CACHD1: variants seen among roughly 807,000 people sequenced by gnomAD.
The protein encoded by CACHD1 is VWFA and cache domain-containing protein 1.
CACHD1 carries 71 observed loss-of-function variants against 138.7 expected under a neutral mutation model. The ratio of observed to expected loss-of-function variants is 0.51; its 90% CI spans 0.42 to 0.62. CACHD1 has a LOEUF of 0.62. Among genes scored for constraint, CACHD1 ranks in the 20% least tolerant of loss-of-function variants. The pLI is 0.00. For missense variants in CACHD1, 1,389 were observed against 1,625.3 expected (o/e 0.85, Z 2.50); for synonymous variants, 578 against 591.5 (o/e 0.98, Z 0.33).
chr1:64,582,780 A>G (rs1360189748), intron 3 of CACHD1, among the ~76,000 whole-genome samples: 2 of 152,126 alleles, frequency 1.3e-5, no homozygotes, highest in Non-Finnish European at 2.9e-5. Context: ...TGCATGATTG[A>G]GGATATTTTT....
intron 3 of CACHD1, among the ~76,000 whole-genome samples, chr1:64,588,532 C>A (rs1647071145): frequency 6.6e-6 from 1 of 151,946 alleles, no homozygotes; most frequent in African/African-American, 2.4e-5. Flanking sequence ...AGGTGCGCCA[C>A]CACGCCCAGC....
chr1:64,592,804 G>A (rs184108330), intron 3 of CACHD1, among the ~76,000 whole-genome samples: 101 of 152,320 alleles, frequency 6.6e-4, no homozygotes, highest in Non-Finnish European at 1.1e-3. Context: ...TGCTTGTCAA[G>A]TTGGGCCAGT....
intron 9 of CACHD1, among the ~76,000 whole-genome samples, chr1:64,651,600 A>G (rs1649097581): frequency 6.6e-6 from 1 of 152,148 alleles, no homozygotes; most frequent in African/African-American, 2.4e-5. Context: ...GGCCACCATG[A>G]GCTATGATCG....
intron 3 of CACHD1, among the ~76,000 whole-genome samples, chr1:64,593,140 C>T (rs1647121343): frequency 6.6e-6 from 1 of 152,184 alleles, no homozygotes; most frequent in Non-Finnish European, 1.5e-5. Context: ...GAGATGTTTG[C>T]TAAGCAGCTG....
At chr1:64,487,258 C>CCTG (rs1646248079) in intron 1 of CACHD1, among the ~76,000 whole-genome samples, 1 of 152,116 alleles carries the variant, frequency 6.6e-6, no homozygotes, top group Non-Finnish European at 1.5e-5. Flanking sequence ...CTCTGTCACC[C>CCTG]CCTGGCTGTC....
intron 4 of CACHD1, among the ~76,000 whole-genome samples, chr1:64,625,630 A>G (rs77648567): frequency 1.3e-5 from 2 of 149,504 alleles, no homozygotes; most frequent in African/African-American, 4.9e-5. Context: ...CAGTCTCAGA[A>G]AAAAAAAAAA....
chr1:64,573,221 A>G (rs754289503), intron 2 of CACHD1, among the ~76,000 whole-genome samples: 14 of 152,118 alleles, frequency 9.2e-5, no homozygotes, highest in Non-Finnish European at 1.9e-4. Context: ...AGCCCCCATG[A>G]TGGAATTTAA....
At chr1:64,618,032 A>T (rs775440268) in intron 4 of CACHD1, among the ~76,000 whole-genome samples, 6 of 151,654 alleles carry the variant, frequency 4.0e-5, no homozygotes, top group Non-Finnish European at 8.8e-5. Context: ...GTGAGTCAAG[A>T]TCATGCCATT....
In CACHD1 at chr1:64,675,955, A is replaced by T. The variant is rs1247967037; in HGVS notation, c.2947A>T (p.Thr983Ser). The change falls in exon 21 of 27, where the codon ACT becomes TCT. Residue 983 changes from threonine to serine, a missense_variant. Physicochemically the swap from Thr to Ser is moderately conservative, Grantham distance 58 (BLOSUM62 1). Coordinates refer to ENST00000651257, the MANE Select transcript of CACHD1 (RefSeq NM_020925.4). ...GTGCCCTCTAGAGGTCAATGAGTGC[A>T]CTGGCAACCTCACCAATGCAGAGAA... The part of the protein sequence containing the change: ...CECPLEVNEC[T>S]GNLTNAENRN... 1 of 1,455,968 alleles carries T rather than the reference A, an allele frequency of 6.9e-7. No homozygotes were observed. The highest frequency in any genetic ancestry group is 9.2e-7 in the Non-Finnish European group (1 of 1,092,336). 90.2% of individuals were successfully genotyped at this position (1,455,968 alleles called of 1,614,324 possible). A position where few individuals can be genotyped will look rare whatever the true frequency, so the allele number is the denominator to read the frequency against.
chr1:64,669,758 G>A (rs551295755), intron 16 of CACHD1, among the ~76,000 whole-genome samples: 1 of 152,194 alleles, frequency 6.6e-6, no homozygotes, highest in South Asian at 2.1e-4. Context: ...TGAAATGCAG[G>A]TGAAAATATG....
At chr1:64,605,628 G>A (rs1332970598) in intron 4 of CACHD1, among the ~76,000 whole-genome samples, 1 of 152,152 alleles carries the variant, frequency 6.6e-6, no homozygotes, top group Admixed American at 6.5e-5. Context: ...GAAAGGGCAG[G>A]CTTGGGCAGA....
intron 19 of CACHD1, among the ~76,000 whole-genome samples, chr1:64,674,190 AT>A (rs1649910343): frequency 6.6e-6 from 1 of 152,234 alleles, no homozygotes; most frequent in South Asian, 2.1e-4. Context: ...CAAAAACTCT[AT>A]TGCAGAAAGC....
At chr1:64,539,445 G>T (rs1646659836) in intron 1 of CACHD1, among the ~76,000 whole-genome samples, 1 of 152,134 alleles carries the variant, frequency 6.6e-6, no homozygotes, top group Non-Finnish European at 1.5e-5. Flanking sequence ...GTTCAGCTTT[G>T]TTTCCAAAAG....
At chr1:64,589,638 A>G (rs1647081194) in intron 3 of CACHD1, among the ~76,000 whole-genome samples, 1 of 152,010 alleles carries the variant, frequency 6.6e-6, no homozygotes, top group African/African-American at 2.4e-5. Flanking sequence ...TGCTAGGGAA[A>G]TTTCTTCTTG....
chr1:64,543,326 T>A (rs1032838672), intron 1 of CACHD1, among the ~76,000 whole-genome samples: 1 of 149,158 alleles, frequency 6.7e-6, no homozygotes, highest in African/African-American at 2.5e-5. Flanking sequence ...GAGGCCAAGG[T>A]GGGAAGATGG....
intron 3 of CACHD1, among the ~76,000 whole-genome samples, chr1:64,602,123 G>A (rs1647221128): frequency 6.6e-6 from 1 of 152,146 alleles, no homozygotes; most frequent in Admixed American, 6.5e-5. Flanking sequence ...TCTAGTACTA[G>A]CATTACACTA....
chr1:64,559,347 A>G (rs1301767972), intron 2 of CACHD1, among the ~76,000 whole-genome samples: 1 of 152,250 alleles, frequency 6.6e-6, no homozygotes, highest in African/African-American at 2.4e-5. Flanking sequence ...TTGCAGGAAC[A>G]TGGATGGAGC....
intron 1 of CACHD1, among the ~76,000 whole-genome samples, chr1:64,526,577 A>G (rs937561370): frequency 6.6e-6 from 1 of 152,178 alleles, no homozygotes; most frequent in Non-Finnish European, 1.5e-5. Context: ...AGACTTGAGG[A>G]GGGGGGTGAG....
chr1:64,496,863 C>CAAAAA (rs35934967), intron 1 of CACHD1, among the ~76,000 whole-genome samples: 1 of 85,346 alleles, frequency 1.2e-5, no homozygotes. Flanking sequence ...GAAGTTGTCT[C>CAAAAA]AAAAAAAAAA....
Sources: gnomAD v4.1 joint callset for allele counts (sites outside exome capture counted in the v4.1 genomes callset) on GRCh38, gnomAD v4.1.1 for gene constraint, MANE v1.5 for transcripts, NCBI Gene and HGNC (gene_info 2026-07-23, HGNC 2026-07-21) for gene names.